Variants in ZSWIM7 observed in about 807,000 individuals in gnomAD.
ZSWIM7 encodes zinc finger SWIM domain-containing protein 7.
A neutral mutation model predicts 21.1 loss-of-function variants in ZSWIM7; 22 were observed. The observed-to-expected ratio is 1.04, with a 90% confidence interval of 0.74 to 1.49. ZSWIM7 has a LOEUF of 1.49. ZSWIM7 is among the 40% of genes most tolerant of loss of function. ZSWIM7 has a pLI of 0.00. For missense variants in ZSWIM7, 193 were observed against 168.0 expected, an observed-to-expected ratio of 1.15 and a Z score of -0.82; for synonymous variants, 67 against 66.5, an observed-to-expected ratio of 1.01 and a Z score of -0.04.
chr17:15,984,675 G>C (rs1047488647), intron 3 of ZSWIM7, among the ~76,000 whole-genome samples: 18 of 152,318 alleles, frequency 1.2e-4, no homozygotes, highest in African/African-American at 4.1e-4. Context: ...TCTGAAAACA[G>C]GATTATACAT....
At chr17:15,982,073 G>A (rs1019482388) in intron 3 of ZSWIM7, among the ~76,000 whole-genome samples, 4 of 152,136 alleles carry the variant, frequency 2.6e-5, no homozygotes, top group Non-Finnish European at 5.9e-5. Flanking sequence ...GCCCAGATCT[G>A]CCTACTCATC....
intron 2 of ZSWIM7, among the ~76,000 whole-genome samples, chr17:15,991,339 G>A (rs901530904): frequency 6.6e-6 from 1 of 152,018 alleles, no homozygotes; most frequent in African/African-American, 2.4e-5. Context: ...TATCCTCACT[G>A]TAAAATCTTT....
chr17:15,994,388 T>C lies in ZSWIM7; in HGVS notation c.77-610A>G, dbSNP rs575821057. 3.3e-5 allele frequency among the ~76,000 whole-genome samples: 5 copies of C among 152,204 alleles called. No individual in the cohort carries two copies. The South Asian group carries it at 1.0e-3, about 32-fold the overall frequency. Reference sequence around the variant, plus strand: ...AGAAAACTGAATCCTAGGCCAGCAATGGGGAGAGTCAAGCACCAGCCTGAG... The same window carrying C: ...AGAAAACTGAATCCTAGGCCAGCAACGGGGAGAGTCAAGCACCAGCCTGAG... On this transcript the variant is annotated intron_variant, in intron 1 of 4. Coordinates refer to ENST00000399277, the MANE Select transcript of ZSWIM7 (RefSeq NM_001042697.2).
At chr17:15,981,474 G>GC (rs151298772) in intron 3 of ZSWIM7, among the ~76,000 whole-genome samples, 5,669 of 150,530 alleles carry the variant, frequency 0.038, 243 homozygotes, top group African/African-American at 0.1. Flanking sequence ...GAAGTGGGGG[G>GC]GGGGAATCTC....
chr17:15,978,146 T>C lies in ZSWIM7; in HGVS notation c.324A>G (p.Ala108=). 1.2e-6 allele frequency: 2 copies of C among 1,613,946 alleles called. No homozygotes were observed. The highest frequency in any genetic ancestry group is 1.1e-5 in the South Asian group (1 of 91,080). Residue 108 remains alanine, a synonymous_variant, in exon 5 of 5, where the codon GCA becomes GCG. Transcript: ENST00000399277. The part of the protein sequence containing the change: ...SDSILCKHLL[A]VYLSQVMRTC... ...TCCTCATAACCTGACTCAGGTAAAC[T>C]GCCAAGAGATGCTTGCACTGGAATA...
chr17:15,980,057 G>A (rs1213903130), intron 4 of ZSWIM7, among the ~76,000 whole-genome samples: 1 of 146,146 alleles, frequency 6.8e-6, no homozygotes, highest in Non-Finnish European at 1.5e-5. Flanking sequence ...CCTCCCTCCC[G>A]GACGGGGCGG....
intron 3 of ZSWIM7, chr17:15,986,778 T>C (rs1970416712): frequency 1.3e-5 from 2 of 152,044 alleles, no homozygotes; most frequent in African/African-American, 4.8e-5. Context: ...TAACAAAGTA[T>C]TGGCGGGGAT....
intron 1 of ZSWIM7, among the ~76,000 whole-genome samples, chr17:15,998,757 T>C (rs1466072827): frequency 2.9e-5 from 1 of 34,362 alleles, no homozygotes; most frequent in Non-Finnish European, 5.2e-5. Context: ...TTAAAATGCT[T>C]TTTTTTTTTT....
intron 3 of ZSWIM7, among the ~76,000 whole-genome samples, chr17:15,983,957 G>A (rs1173454578): frequency 2.0e-5 from 3 of 151,950 alleles, no homozygotes; most frequent in Non-Finnish European, 4.4e-5. Flanking sequence ...TAGTTATCTC[G>A]TCTCTTCTCT....
intron 2 of ZSWIM7, among the ~76,000 whole-genome samples, chr17:15,988,284 A>G (rs1460243971): frequency 3.9e-5 from 6 of 152,134 alleles, no homozygotes; most frequent in Non-Finnish European, 8.8e-5. Flanking sequence ...TTTGAAAATG[A>G]GGCATGTTGA....
chr17:15,993,831 G>A, intron 1 of ZSWIM7, 53 bp from the exon 2 acceptor site: 4 of 1,380,810 alleles, frequency 2.9e-6, no homozygotes, highest in Non-Finnish European at 4.0e-6. Context: ...AGTGACCATT[G>A]ACATAAAAAT....
At chr17:15,979,670 A>C (rs1247690108) in intron 4 of ZSWIM7, among the ~76,000 whole-genome samples, 2 of 101,322 alleles carry the variant, frequency 2.0e-5, no homozygotes, top group Admixed American at 9.8e-5. Flanking sequence ...CGGAGGACTG[A>C]CCCCCCCCAC....
chr17:15,993,973 G>C (rs1191674844), intron 1 of ZSWIM7, 195 bp from the exon 2 acceptor site: 2 of 483,914 alleles, frequency 4.1e-6, no homozygotes, highest in Middle Eastern at 3.2e-4. Flanking sequence ...TTTTGAGACG[G>C]AGTCTTGTCC....
At chr17:15,998,497 A>G (rs1333653562) in intron 1 of ZSWIM7, among the ~76,000 whole-genome samples, 4 of 152,214 alleles carry the variant, frequency 2.6e-5, no homozygotes, top group African/African-American at 9.6e-5. Context: ...GGGGCCTGAT[A>G]TGGCTGTTAT....
intron 2 of ZSWIM7, among the ~76,000 whole-genome samples, chr17:15,987,577 GTA>G (rs1416570258): frequency 1.3e-5 from 2 of 151,728 alleles, no homozygotes; most frequent in Non-Finnish European, 2.9e-5. Flanking sequence ...CTTGTATTAT[GTA>G]TATATGTGTG....
At chr17:15,988,785 G>A (rs1419010332) in intron 2 of ZSWIM7, among the ~76,000 whole-genome samples, 3 of 152,168 alleles carry the variant, frequency 2.0e-5, no homozygotes, top group African/African-American at 7.2e-5. Context: ...TTGGGAGGCC[G>A]AGGCAGGCAG....
intron 3 of ZSWIM7, among the ~76,000 whole-genome samples, chr17:15,981,929 A>G (rs1432085832): frequency 6.6e-6 from 1 of 152,192 alleles, no homozygotes; most frequent in African/African-American, 2.4e-5. Context: ...AAGATAGGTC[A>G]CAGAAGAACA....
intron 2 of ZSWIM7, among the ~76,000 whole-genome samples, chr17:15,991,540 G>A (rs1970482167): frequency 6.6e-6 from 1 of 152,100 alleles, no homozygotes; most frequent in African/African-American, 2.4e-5. Context: ...GAAAAGTTAT[G>A]TTATGTTAAT....
intron 2 of ZSWIM7, 114 bp downstream of exon 2, chr17:15,993,643 G>T: frequency 3.8e-6 from 3 of 799,340 alleles, no homozygotes; most frequent in Non-Finnish European, 6.1e-6. Flanking sequence ...TGGGATTATA[G>T]GCGTGAGCCA....
Sources: gnomAD v4.1 joint callset for allele counts (sites outside exome capture counted in the v4.1 genomes callset) on GRCh38, gnomAD v4.1.1 for gene constraint, MANE v1.5 for transcripts, NCBI Gene and HGNC (gene_info 2026-07-23, HGNC 2026-07-21) for gene names.